Variants in IQSEC1 observed in about 807,000 individuals in gnomAD.
IQSEC1 encodes IQ motif and SEC7 domain-containing protein 1.
A neutral mutation model predicts 91.0 loss-of-function variants in IQSEC1; 31 were observed. The observed-to-expected ratio is 0.34, with a 90% confidence interval of 0.26 to 0.46. IQSEC1 has a LOEUF of 0.46. Among genes scored for constraint, IQSEC1 ranks in the 20% least tolerant of loss-of-function variants. The pLI, the probability that IQSEC1 is intolerant of heterozygous loss-of-function variation, is 1.00. For synonymous variants in IQSEC1, 699 were observed against 662.6 expected, an observed-to-expected ratio of 1.05 and a Z score of -0.84; for missense variants, 1,388 against 1,575.6, an observed-to-expected ratio of 0.88 and a Z score of 2.02.
intron 2 of IQSEC1, among the ~76,000 whole-genome samples, chr3:13,132,862 C>A (rs531433317): frequency 6.6e-6 from 1 of 152,192 alleles, no homozygotes; most frequent in East Asian, 1.9e-4. Context: ...ATGTTACAAG[C>A]GGAGACTTCC....
At chr3:13,187,980 T>G (rs1367400432) in intron 1 of IQSEC1, among the ~76,000 whole-genome samples, 1 of 152,210 alleles carries the variant, frequency 6.6e-6, no homozygotes, top group Non-Finnish European at 1.5e-5. Flanking sequence ...TATCATCACC[T>G]TGGGGGTGAG....
intron 1 of IQSEC1, among the ~76,000 whole-genome samples, chr3:13,210,488 G>A (rs937245048): frequency 3.3e-5 from 5 of 152,110 alleles, no homozygotes; most frequent in South Asian, 4.1e-4. Context: ...CAGGCCACCC[G>A]CCCCTCCCCT....
chr3:12,945,571 C>CA (rs1167109649), intron 1 of IQSEC1, among the ~76,000 whole-genome samples: 2 of 151,490 alleles, frequency 1.3e-5, no homozygotes, highest in African/African-American at 2.4e-5. Flanking sequence ...CAAACCACCC[C>CA]AAAAAAAAGA....
intron 2 of IQSEC1, among the ~76,000 whole-genome samples, chr3:13,141,272 G>A (rs1169586974): frequency 3.3e-5 from 5 of 152,304 alleles, no homozygotes; most frequent in South Asian, 4.1e-4. Flanking sequence ...CAGAGCAATG[G>A]AAACGGAAAA....
rs1289594721 is a variant in IQSEC1 at position 13,193,113 on chromosome 3, C to A, written c.273-28980G>T. ...CAGTTGCAGCAGGGATGGGCAGTGT[C>A]TTTTCTCAGCCTTGTCCTACGAGCA... On this transcript the variant is annotated intron_variant, in intron 1 of 15. Transcript: ENST00000648114. The surrounding 1 kb of genome is among the most constrained non-coding windows in gnomAD (Gnocchi z 4.2). Among the ~76,000 whole-genome samples, 1 of 152,236 alleles carries A rather than the reference C, an allele frequency of 6.6e-6. No homozygotes were observed. Among genetic ancestry groups the A allele is most frequent in the Non-Finnish European group, 1.5e-5 (1 of 68,042 alleles).
intron 1 of IQSEC1, among the ~76,000 whole-genome samples, chr3:13,014,254 A>G (rs1183595092): frequency 6.6e-6 from 1 of 152,220 alleles, no homozygotes; most frequent in African/African-American, 2.4e-5. Flanking sequence ...ATGGGAACCC[A>G]GAGTCACCTA....
intron 2 of IQSEC1, among the ~76,000 whole-genome samples, chr3:13,113,722 C>CTGCCT (rs1449402700): frequency 2.0e-5 from 3 of 152,166 alleles, no homozygotes; most frequent in Non-Finnish European, 4.4e-5. Context: ...CAGCCCCCAG[C>CTGCCT]GTGGGCCGCA....
At chr3:13,143,181 C>T (rs1486104147) in intron 2 of IQSEC1, among the ~76,000 whole-genome samples, 1 of 152,242 alleles carries the variant, frequency 6.6e-6, no homozygotes, top group African/African-American at 2.4e-5. Context: ...CCCTGGATCA[C>T]ACCTAATGAC....
rs1695224042 is a variant in IQSEC1, at chr3:12,908,465, T to C, written c.2639A>G (p.Lys880Arg). 1 of 1,613,472 alleles carries C rather than the reference T, an allele frequency of 6.2e-7. No individual in the cohort carries two copies. Among genetic ancestry groups the C allele is most frequent in the South Asian group, 1.1e-5 (1 of 91,074 alleles). ...RPSMSQCSSLKKESGNGTLSR... is the reference protein window; with the variant it reads ...RPSMSQCSSLRKESGNGTLSR... Reference sequence around the variant, plus strand: ...CAGTGTTCCGTTGCCCGACTCCTTTTTGAGGCTAGAGCACTGGGACATGCT... The same window carrying C: ...CAGTGTTCCGTTGCCCGACTCCTTTCTGAGGCTAGAGCACTGGGACATGCT... The change falls in exon 12 of 14, where the codon AAA (lysine) becomes AGA (arginine). Residue 880 changes from lysine to arginine, a missense_variant. Coordinates refer to ENST00000613206, the MANE Select transcript of IQSEC1 (RefSeq NM_001134382.3). The surrounding 1 kb of genome is among the most constrained non-coding windows in gnomAD (Gnocchi z 4.9).
intron 1 of IQSEC1, among the ~76,000 whole-genome samples, chr3:13,019,439 C>CTGT (rs1703299953): frequency 6.6e-6 from 1 of 152,356 alleles, no homozygotes; most frequent in East Asian, 1.9e-4. Flanking sequence ...TATGCGCTGT[C>CTGT]CGATCGCAAC....
intron 2 of IQSEC1, among the ~76,000 whole-genome samples, chr3:13,138,705 C>T (rs927738960): frequency 3.9e-5 from 6 of 152,092 alleles, no homozygotes; most frequent in Non-Finnish European, 7.4e-5. Flanking sequence ...CAGCTGGTCA[C>T]CCCCAGGAAG....
At chr3:13,250,658 G>A (rs535313242) in intron 1 of IQSEC1, among the ~76,000 whole-genome samples, 5 of 151,414 alleles carry the variant, frequency 3.3e-5, no homozygotes, top group South Asian at 2.1e-4. Flanking sequence ...GTAGAGACAC[G>A]GTTTCGCCAT....
intron 2 of IQSEC1, among the ~76,000 whole-genome samples, chr3:13,113,638 G>A (rs551804913): frequency 1.4e-4 from 22 of 152,328 alleles, no homozygotes; most frequent in Middle Eastern, 3.4e-3. Flanking sequence ...TGCATGCGGC[G>A]GTGGGAATGT....
intron 1 of IQSEC1, among the ~76,000 whole-genome samples, chr3:13,186,899 C>T (rs1019293361): frequency 1.2e-4 from 18 of 152,180 alleles, no homozygotes; most frequent in African/African-American, 4.3e-4. Context: ...TCTAAAGGCC[C>T]TGAAGCCTTC....
At chr3:12,902,369 A>T (rs566423094) in intron 13 of IQSEC1, among the ~76,000 whole-genome samples, 1 of 152,120 alleles carries the variant, frequency 6.6e-6, no homozygotes, top group East Asian at 1.9e-4. Context: ...AAAACATCCA[A>T]CAGCAAGTGT....
chr3:13,195,070 C>A (rs1485472265), intron 1 of IQSEC1, among the ~76,000 whole-genome samples: 2 of 152,140 alleles, frequency 1.3e-5, no homozygotes, highest in East Asian at 1.9e-4. Flanking sequence ...ATGCTACTGA[C>A]TGGGGAGAAT....
At position 13,078,628 on chromosome 3, in the gene IQSEC1, C is replaced by T. The variant is rs576408854; in HGVS notation, c.303-31106G>A. Among the ~76,000 whole-genome samples, 6 of 152,240 alleles carry T rather than the reference C, an allele frequency of 3.9e-5. No individual in the cohort carries two copies. In the East Asian group the frequency reaches 9.7e-4, roughly 25 times the overall value. On this transcript the variant is annotated intron_variant, in intron 2 of 15. Coordinates refer to the IQSEC1 transcript ENST00000648114. ...TATGTCCACCTGCAGGTGAGAGCTG[C>T]GTGAGTGCACACAAGTGGAGCAGTC...
intron 2 of IQSEC1, among the ~76,000 whole-genome samples, chr3:13,081,088 T>A (rs1485046753): frequency 6.6e-6 from 1 of 152,226 alleles, no homozygotes; most frequent in Non-Finnish European, 1.5e-5. Flanking sequence ...GGGAATAACC[T>A]TGATGACTGC....
At position 12,897,603 on chromosome 3, in the gene IQSEC1, A is replaced by G. The variant is rs142722098; in HGVS notation, c.*3380T>C. The G allele has an allele frequency of 9.0e-4, 137 of 152,302 alleles. No homozygotes were observed. Among genetic ancestry groups the G allele is most frequent in the Middle Eastern group, 6.8e-3 (2 of 294 alleles). The allele number at this position is 152,302 out of a possible 1,614,324, so 9.4% of individuals were successfully genotyped here. On this transcript the variant is annotated 3_prime_UTR_variant, in exon 14 of 14. Transcript: ENST00000613206. ...CCACCTCACCCTGCTCAGTGTTGCAATGCTGCCTTGACTATTGTTGTTACA... is the reference window on the plus strand; with the variant it reads ...CCACCTCACCCTGCTCAGTGTTGCAGTGCTGCCTTGACTATTGTTGTTACA...
Sources: gnomAD v4.1 joint callset for allele counts (sites outside exome capture counted in the v4.1 genomes callset) on GRCh38, gnomAD v4.1.1 for gene constraint, Gnocchi (gnomAD v3.1) non-coding constraint, MANE v1.5 for transcripts, NCBI Gene and HGNC (gene_info 2026-07-23, HGNC 2026-07-21) for gene names.